The following DHX57 variants were observed in gnomAD, a reference collection of about 807,000 sequenced individuals.
DHX57 encodes the protein DExH-box helicase 57, also known as putative ATP-dependent RNA helicase DHX57.
Under a neutral mutation model 156.2 loss-of-function variants are expected in DHX57, and 105 were observed. That is an observed-to-expected ratio of 0.67 (90% CI 0.57 to 0.79). DHX57 has a LOEUF of 0.79. DHX57 is among the 30% of genes least tolerant of loss of function. DHX57 has a pLI of 0.00. For synonymous variants in DHX57, 704 were observed against 595.6 expected (o/e 1.18, Z -2.65); for missense variants, 1,847 against 1,661.9 (o/e 1.11, Z -1.94).
chr2:38,803,119 T>C (rs769827880), intron 22 of DHX57: 2 of 569,092 alleles, frequency 3.5e-6, no homozygotes, highest in South Asian at 2.4e-5. Context: ...CTCACACTTG[T>C]GTTTAAAAAA....
chr2:38,816,435 C>T (rs761367117), intron 19 of DHX57, among the ~76,000 whole-genome samples: 3 of 152,032 alleles, frequency 2.0e-5, no homozygotes, highest in Non-Finnish European at 4.4e-5. Flanking sequence ...AGGCTGCTCT[C>T]GAACTCCTGA....
intron 6 of DHX57, chr2:38,857,129 T>C (rs953655782): frequency 6.5e-6 from 1 of 154,274 alleles, no homozygotes; most frequent in Non-Finnish European, 1.5e-5. Flanking sequence ...CCTGGCTACA[T>C]GTGGCTATTG....
intron 17 of DHX57, 89 bp downstream of exon 17, chr2:38,822,904 G>A: frequency 1.5e-6 from 2 of 1,342,560 alleles, no homozygotes; most frequent in Non-Finnish European, 2.0e-6. Context: ...TTTTTAGGGG[G>A]CTCACATGCC....
rs1372987784 is a variant in DHX57 at position 38,825,918 on chromosome 2, G to A, written c.2943C>T (p.His981=). The change falls in exon 16 of 24, where the codon CAC becomes CAT. Residue 981 remains histidine, a synonymous_variant. Coordinates refer to ENST00000457308, the MANE Select transcript of DHX57 (RefSeq NM_198963.3). ...GTTGTTTTAAAAGCTGGTGATTGTA[G>A]TGATGGCTAGTGAATAAATGGAAGC... is the stretch of plus-strand genomic sequence containing the variant. The part of the protein sequence containing the change: ...GVCFHLFTSH[H]YNHQLLKQQL... The A allele has an allele frequency of 6.2e-7, 1 of 1,614,188 alleles. No individual in the cohort carries two copies. The highest frequency in any genetic ancestry group is 1.1e-5 in the South Asian group (1 of 91,084).
intron 1 of DHX57, among the ~76,000 whole-genome samples, chr2:38,869,311 A>G (rs1302576197): frequency 1.3e-5 from 2 of 152,218 alleles, no homozygotes; most frequent in East Asian, 3.8e-4. Flanking sequence ...GGAGAAGTTC[A>G]AACCTAAAGG....
intron 7 of DHX57, 106 bp from the exon 8 acceptor site, chr2:38,855,358 A>C: frequency 8.0e-7 from 1 of 1,252,406 alleles, no homozygotes; most frequent in Non-Finnish European, 1.2e-6. Context: ...TTAGAATAAA[A>C]GTTGTTCAGT....
At chr2:38,874,146 C>G (rs1294156139) in intron 1 of DHX57, among the ~76,000 whole-genome samples, 1 of 151,902 alleles carries the variant, frequency 6.6e-6, no homozygotes, top group Non-Finnish European at 1.5e-5. Context: ...GGCTGCAGTG[C>G]AGTGGTACGA....
At chr2:38,818,770 A>T (rs2148552867) in intron 19 of DHX57, 107 bp downstream of exon 19, 2 of 1,270,184 alleles carry the variant, frequency 1.6e-6, no homozygotes, top group East Asian at 2.4e-5. Flanking sequence ...CATATTCCAG[A>T]AATAACATTT....
At chr2:38,816,031 C>A (rs139565388) in intron 19 of DHX57, 1 of 429,600 alleles carries the variant, frequency 2.3e-6, no homozygotes, top group Non-Finnish European at 4.7e-6. Flanking sequence ...CCAAGTGCTG[C>A]GGCACTGTCT....
chr2:38,849,647 T>C (rs1672478171), intron 9 of DHX57, among the ~76,000 whole-genome samples: 1 of 152,234 alleles, frequency 6.6e-6, no homozygotes, highest in Non-Finnish European at 1.5e-5. Flanking sequence ...TGGCACGGTC[T>C]ACACCCCATG....
At position 38,868,190 on chromosome 2, in the gene DHX57, G is replaced by A. The variant is rs760320124; in HGVS notation, c.216C>T (p.Arg72=). ...CAAAGAGTTATAATGACCTGGAAGG[G>A]CGCCTTGATTCACTGAAGATACAAA... ...DDFCIFSESR[R]PSRPSNSNIS... is the part of the protein sequence containing the mutation. The change falls in exon 2 of 24, where the codon CGC becomes CGT. Residue 72 remains arginine, a synonymous_variant. Transcript: ENST00000457308. The A allele has an allele frequency of 5.0e-6, 8 of 1,613,668 alleles. No homozygotes were observed. The highest frequency in any genetic ancestry group is 6.8e-6 in the Non-Finnish European group (8 of 1,179,970).
Position 38,855,174 on chromosome 2 carries a change from G to T in DHX57, c.1788C>A (p.Ile596=). The stretch of plus-strand genomic sequence containing the variant: ...AGATTCGTCGGGGTTGGGTACAGAT[G>T]ATGTTGGCTACCTTCTCAGGTGGTC... The part of the protein sequence containing the change: ...LNGPPEKVAN[I]ICTQPRRISA... Residue 596 remains isoleucine (I), a synonymous_variant, in exon 8 of 24, where the codon ATC becomes ATA. Transcript: ENST00000457308. 1 of 1,614,178 alleles carries T rather than the reference G, an allele frequency of 6.2e-7. No homozygotes were observed. The highest frequency in any genetic ancestry group is 1.1e-5 in the South Asian group (1 of 91,086).
rs774254483 is a variant in DHX57 at position 38,861,121 on chromosome 2, T to G, written c.1289A>C (p.His430Pro). The change falls in exon 5 of 24, where the codon CAC becomes CCC. Residue 430 changes from histidine to proline, a missense_variant. By Grantham distance (77) the His-to-Pro change is moderately conservative (BLOSUM62 -2). Coordinates refer to ENST00000457308, the MANE Select transcript of DHX57 (RefSeq NM_198963.3). ...EIVKLLTNTH[H>P]KYSDPPVNFL... ...GTTCACAGGAGGGTCACTATACTTG[T>G]GGTGGGTATTCGTTAGTAACTTGAC... 12 of 1,614,074 alleles carry G rather than the reference T, an allele frequency of 7.4e-6. No individual in the cohort carries two copies. Among genetic ancestry groups the G allele is most frequent in the Non-Finnish European group, 9.3e-6 (11 of 1,180,036 alleles).
intron 2 of DHX57, 126 bp downstream of exon 2, chr2:38,868,056 G>T: frequency 8.1e-7 from 1 of 1,228,170 alleles, no homozygotes; most frequent in Non-Finnish European, 1.1e-6. Context: ...TCAGAAAAGG[G>T]TTACAAAGAG....
At chr2:38,841,241 G>C (rs1671976827) in intron 12 of DHX57, among the ~76,000 whole-genome samples, 1 of 152,142 alleles carries the variant, frequency 6.6e-6, no homozygotes, top group South Asian at 2.1e-4. Flanking sequence ...TAGAATCATG[G>C]ATCTGCACTT....
intron 21 of DHX57, among the ~76,000 whole-genome samples, 170 bp from the exon 22 acceptor site, chr2:38,806,863 T>A (rs1431774224): frequency 7.6e-6 from 1 of 131,196 alleles, no homozygotes; most frequent in Non-Finnish European, 1.6e-5. Flanking sequence ...AACAAGCACA[T>A]GCTTTTTTTT....
chr2:38,806,438 C>T (rs1668924002), intron 22 of DHX57, 121 bp downstream of exon 22: 2 of 1,058,680 alleles, frequency 1.9e-6, no homozygotes, highest in Non-Finnish European at 2.7e-6. Context: ...TTCAATCTTC[C>T]CTCAGTCAGT....
chr2:38,801,812 G>C (rs533444654), intron 23 of DHX57, among the ~76,000 whole-genome samples: 1 of 152,190 alleles, frequency 6.6e-6, no homozygotes, highest in South Asian at 2.1e-4. Context: ...GGCCAGGCTG[G>C]TCTCGAACTC....
At chr2:38,816,192 A>AT in intron 19 of DHX57, 1 of 470,736 alleles carries the variant, frequency 2.1e-6, no homozygotes, top group Non-Finnish European at 4.4e-6. Context: ...TTTCCTAGGA[A>AT]TAGGGACATC....
Sources: allele counts gnomAD v4.1 joint callset (sites outside exome capture counted in the v4.1 genomes callset), GRCh38; gene constraint gnomAD v4.1.1; transcripts MANE v1.5; gene names NCBI Gene and HGNC (gene_info 2026-07-23, HGNC 2026-07-21).